MAP2K6: variants seen among roughly 807,000 people sequenced by gnomAD.
The protein encoded by MAP2K6 is mitogen-activated protein kinase kinase 6.
A neutral mutation model predicts 53.7 loss-of-function variants in MAP2K6; 16 were observed. The ratio of observed to expected loss-of-function variants is 0.30; its 90% CI spans 0.20 to 0.45. The LOEUF (loss-of-function observed/expected upper bound fraction) is 0.45, where lower values mean the gene tolerates loss of function less well. MAP2K6 is among the 20% of genes least tolerant of loss of function. The pLI is 1.00. For synonymous variants in MAP2K6, 132 were observed against 143.1 expected, an observed-to-expected ratio of 0.92 and a Z score of 0.55; for missense variants, 204 against 411.9, an observed-to-expected ratio of 0.50 and a Z score of 4.37.
chr17:69,512,632 C>T (rs959651920), intron 2 of MAP2K6, among the ~76,000 whole-genome samples: 9 of 152,030 alleles, frequency 5.9e-5, no homozygotes, highest in South Asian at 2.1e-4. Context: ...CCACTGCGCC[C>T]GGCCTGAGTG....
At chr17:69,537,424 G>T (rs1332952983) in intron 11 of MAP2K6, among the ~76,000 whole-genome samples, 3 of 152,186 alleles carry the variant, frequency 2.0e-5, no homozygotes, top group Non-Finnish European at 4.4e-5. Context: ...GGCATTAAAT[G>T]CTTGCTCCTC....
At chr17:69,513,554 A>G (rs1909981095) in intron 2 of MAP2K6, among the ~76,000 whole-genome samples, 1 of 152,220 alleles carries the variant, frequency 6.6e-6, no homozygotes, top group Non-Finnish European at 1.5e-5. Flanking sequence ...GGCCAAGGTC[A>G]GCAAACTTTT....
chr17:69,537,021 G>A (rs1413387834), intron 11 of MAP2K6, among the ~76,000 whole-genome samples: 3 of 152,198 alleles, frequency 2.0e-5, no homozygotes, highest in Non-Finnish European at 4.4e-5. Context: ...AGTTAAGGCT[G>A]CAGTGAGCCG....
At chr17:69,517,020 A>G (rs1910186763) in intron 3 of MAP2K6, 117 bp downstream of exon 3, 1 of 781,616 alleles carries the variant, frequency 1.3e-6, no homozygotes, top group Non-Finnish European at 2.1e-6. Flanking sequence ...AAAAGTTTGC[A>G]TTTAAAGGGA....
chr17:69,521,311 C>G, intron 7 of MAP2K6: 1 of 428,476 alleles, frequency 2.3e-6, no homozygotes, highest in Non-Finnish European at 4.1e-6. Flanking sequence ...TGATCTTTGT[C>G]TTACATCCAA....
rs548042421 is a variant in MAP2K6 at position 69,521,010 on chromosome 17, C to T, written c.484-39C>T. 247 of 1,486,390 alleles carry T rather than the reference C, an allele frequency of 1.7e-4. 5 individuals are homozygous for T. In the South Asian group the frequency reaches 2.7e-3, roughly 16 times the overall value. 92.1% of individuals were successfully genotyped at this position (1,486,390 alleles called of 1,614,324 possible). ...TACTTAACATTCAATTTCTTTCCAG[C>T]AATGTGATAAATAAATCTATCTTGT... On this transcript the variant is annotated intron_variant, in intron 6 of 11. Coordinates refer to ENST00000590474, the MANE Select transcript of MAP2K6 (RefSeq NM_002758.4).
rs1041527349 is a variant in MAP2K6, at chr17:69,520,150, C to T, written c.367-120C>T. The T allele has an allele frequency of 8.2e-6, 5 of 612,984 alleles. No homozygotes were observed. The African/African-American group carries it at 9.4e-5, about 12-fold the overall frequency. The allele number at this position is 612,984 out of a possible 1,614,324, so 38.0% of individuals were successfully genotyped here. A position where few individuals can be genotyped will look rare whatever the true frequency, so the allele number is the denominator to read the frequency against. On this transcript the variant is annotated intron_variant, in intron 5 of 11. Coordinates refer to ENST00000590474, the MANE Select transcript of MAP2K6 (RefSeq NM_002758.4). ...TCTTGACAGAAGACACTGTATTTCC[C>T]CCCAAAATTCAAGAAAGAAATAGTT...
intron 10 of MAP2K6, 161 bp from the exon 11 acceptor site, chr17:69,535,954 G>A (rs1243618243): frequency 5.2e-6 from 3 of 576,084 alleles, no homozygotes; most frequent in Non-Finnish European, 9.3e-6. Context: ...TTTAAAACAT[G>A]ATACATAAGT....
intron 1 of MAP2K6, among the ~76,000 whole-genome samples, chr17:69,495,521 C>T (rs1908915207): frequency 6.6e-6 from 1 of 152,192 alleles, no homozygotes; most frequent in Non-Finnish European, 1.5e-5. Context: ...CAGGCTTGAG[C>T]TACTGCGCCT....
chr17:69,499,346 A>G (rs889993553), intron 1 of MAP2K6, among the ~76,000 whole-genome samples: 1 of 152,220 alleles, frequency 6.6e-6, no homozygotes, highest in African/African-American at 2.4e-5. Flanking sequence ...CACCTATATT[A>G]TGCTACACCC....
At chr17:69,447,348 T>C (rs528937171) in intron 1 of MAP2K6, among the ~76,000 whole-genome samples, 24 of 151,892 alleles carry the variant, frequency 1.6e-4, no homozygotes, top group Non-Finnish European at 3.4e-4. Context: ...TTTTTTAATG[T>C]CATTTTTATA....
rs1912022152 is a variant in MAP2K6, at chr17:69,549,793, T to G, written c.*8040T>G. The G allele has an allele frequency of 6.6e-6, 1 of 152,302 alleles. No individual in the cohort carries two copies. Among genetic ancestry groups the G allele is most frequent in the Non-Finnish European group, 1.5e-5 (1 of 68,026 alleles). The allele number at this position is 152,302 out of a possible 1,614,324, so 9.4% of individuals were successfully genotyped here. A position where few individuals can be genotyped will look rare whatever the true frequency, so the allele number is the denominator to read the frequency against. On this transcript the variant is annotated 3_prime_UTR_variant, in exon 12 of 12. Transcript: ENST00000590474. ...ATTTGGTCACTATCAATATTTGTGT[T>G]GGAGTCTGCAAGATATTTCAACAAA...
At chr17:69,463,180 G>GA (rs900949838) in intron 1 of MAP2K6, among the ~76,000 whole-genome samples, 30 of 151,486 alleles carry the variant, frequency 2.0e-4, no homozygotes, top group Admixed American at 1.3e-3. Flanking sequence ...CGTGTGCCAA[G>GA]AAAAAATGAT....
rs992063536 is a variant in MAP2K6, at chr17:69,517,681, C to G, written c.246+68C>G. 4.6e-6 allele frequency: 5 copies of G among 1,081,184 alleles called. No individual in the cohort carries two copies. The African/African-American group carries it at 8.0e-5, about 17-fold the overall frequency. 67.0% of individuals were successfully genotyped at this position (1,081,184 alleles called of 1,614,324 possible). ...TACATTTGTCCACCTCAATTGTCAA[C>G]CAGCCCTTTTAATAGAAGCAAAACC... On this transcript the variant is annotated intron_variant, in intron 4 of 11. Coordinates refer to ENST00000590474, the MANE Select transcript of MAP2K6 (RefSeq NM_002758.4).
At chr17:69,513,947 T>C (rs1910005239) in intron 2 of MAP2K6, among the ~76,000 whole-genome samples, 1 of 152,114 alleles carries the variant, frequency 6.6e-6, no homozygotes, top group South Asian at 2.1e-4. Flanking sequence ...AAACACTGTC[T>C]CTACTACAAC....
intron 2 of MAP2K6, 98 bp from the exon 3 acceptor site, chr17:69,516,754 TTTC>T: frequency 1.2e-6 from 1 of 852,700 alleles, no homozygotes; most frequent in Middle Eastern, 2.3e-4. Flanking sequence ...GAACTTCCAC[TTTC>T]TTCTTAAGGA....
chr17:69,510,705 G>A (rs1298744098), intron 2 of MAP2K6, among the ~76,000 whole-genome samples: 1 of 151,894 alleles, frequency 6.6e-6, no homozygotes, highest in African/African-American at 2.4e-5. Context: ...TGAGGAGTTG[G>A]TCCATTTCTT....
intron 1 of MAP2K6, among the ~76,000 whole-genome samples, chr17:69,427,621 A>G (rs1906314869): frequency 1.3e-5 from 2 of 152,220 alleles, no homozygotes; most frequent in South Asian, 4.1e-4. Flanking sequence ...AAACAGAGTC[A>G]GTACAGTGTG....
rs774673022 is a variant in MAP2K6, at chr17:69,542,379, TG to T, written c.*627del. 9.2e-5 allele frequency: 14 copies of T among 152,672 alleles called. No homozygotes were observed. The highest frequency in any genetic ancestry group is 1.5e-4 in the Non-Finnish European group (10 of 68,048). The allele number at this position is 152,672 out of a possible 1,614,324, so 9.5% of individuals were successfully genotyped here. A position where few individuals can be genotyped will look rare whatever the true frequency, so the allele number is the denominator to read the frequency against. ...CAGCTGTTGTGACTGCTGCCATTTTTGCAAACATCTGCCCAATCCTGGGTGA... is the reference window on the plus strand; with the variant it reads ...CAGCTGTTGTGACTGCTGCCATTTTTCAAACATCTGCCCAATCCTGGGTGA... On this transcript the variant is annotated 3_prime_UTR_variant, in exon 12 of 12. Transcript: ENST00000590474.
Sources: allele counts gnomAD v4.1 joint callset (sites outside exome capture counted in the v4.1 genomes callset), GRCh38; gene constraint gnomAD v4.1.1; transcripts MANE v1.5; gene names NCBI Gene and HGNC (gene_info 2026-07-23, HGNC 2026-07-21).